The following RSPH14 variants were observed in gnomAD, a reference collection of about 807,000 sequenced individuals.
The protein encoded by RSPH14 is rhabdoid tumor deletion region gene 1.
In RSPH14, 20 loss-of-function variants were observed where a neutral mutation model predicts 26.7. The observed-to-expected ratio is 0.75, with a 90% CI of 0.53 to 1.09. RSPH14 has a LOEUF of 1.09. Among genes scored for constraint, RSPH14 ranks in the 50% least tolerant of loss-of-function variants. The pLI, the probability that RSPH14 is intolerant of heterozygous loss-of-function variation, is 0.00. For missense variants in RSPH14, 449 were observed against 457.2 expected (o/e 0.98, Z 0.16); for synonymous variants, 177 against 189.3 (o/e 0.93, Z 0.53).
chr22:23,117,939 C>G (rs1458883927), intron 4 of RSPH14, among the ~76,000 whole-genome samples: 2 of 152,224 alleles, frequency 1.3e-5, no homozygotes, highest in Non-Finnish European at 2.9e-5. Context: ...GCCCCGGCCG[C>G]TGACCTGGGA....
At chr22:23,162,590 C>A in the RSPH14 span, 8,176 of 454,244 alleles carry the variant, frequency 0.018, 564 homozygotes, top group African/African-American at 0.15. Context: ...GACAGAAATA[C>A]CCCACACATT....
chr22:23,074,364 A>T (rs1462179241), intron 4 of RSPH14, among the ~76,000 whole-genome samples: 1 of 152,174 alleles, frequency 6.6e-6, no homozygotes, highest in African/African-American at 2.4e-5. Flanking sequence ...GTTTTTTTAA[A>T]GCTGCAGCTT....
intron 4 of RSPH14, among the ~76,000 whole-genome samples, chr22:23,097,738 C>T (rs1224390779): frequency 1.3e-5 from 2 of 152,256 alleles, no homozygotes; most frequent in Non-Finnish European, 2.9e-5. Flanking sequence ...GGTCAGGCTC[C>T]CTTGATGAGG....
At chr22:23,065,929 CCTCT>C (rs918084263) in intron 4 of RSPH14, among the ~76,000 whole-genome samples, 5 of 152,214 alleles carry the variant, frequency 3.3e-5, no homozygotes, top group African/African-American at 1.2e-4. Context: ...GAGGCCTGAT[CCTCT>C]CTCTCTCGCA....
chr22:23,112,869 GT>G (rs1180875140), intron 4 of RSPH14, among the ~76,000 whole-genome samples: 1 of 152,208 alleles, frequency 6.6e-6, no homozygotes, highest in Admixed American at 6.5e-5. Context: ...CAGGGGCCTG[GT>G]CTGGGGACCC....
chr22:23,116,288 T>C (rs1392027689), intron 4 of RSPH14, among the ~76,000 whole-genome samples: 1 of 152,118 alleles, frequency 6.6e-6, no homozygotes, highest in African/African-American at 2.4e-5. Context: ...GAGGTGGAGC[T>C]GCGGGTGCAG....
At chr22:23,140,677 G>A (rs1203499290) in intron 1 of RSPH14, among the ~76,000 whole-genome samples, 3 of 152,168 alleles carry the variant, frequency 2.0e-5, no homozygotes, top group Non-Finnish European at 2.9e-5. Context: ...AAACTCCAGA[G>A]CCCTCCCACA....
At chr22:23,175,878 G>C in the RSPH14 span, among the ~76,000 whole-genome samples, 7 of 152,206 alleles carry the variant, frequency 4.6e-5, no homozygotes, top group African/African-American at 1.4e-4. Flanking sequence ...ATCAGCATGA[G>C]GCTCTGCCTT....
At chr22:23,108,659 T>C (rs553656454) in intron 4 of RSPH14, among the ~76,000 whole-genome samples, 99 of 152,210 alleles carry the variant, frequency 6.5e-4, no homozygotes, top group Non-Finnish European at 1.2e-3. Context: ...CTCAGAGCCA[T>C]AGCCCAAAAC....
chr22:23,179,546 G>C, the RSPH14 span, among the ~76,000 whole-genome samples: 4 of 152,344 alleles, frequency 2.6e-5, no homozygotes, highest in African/African-American at 9.6e-5. Flanking sequence ...GGGAAGTTCT[G>C]AGTCAGGTCG....
At chr22:23,077,655 C>G (rs1002162993) in intron 4 of RSPH14, among the ~76,000 whole-genome samples, 1 of 152,126 alleles carries the variant, frequency 6.6e-6, no homozygotes, top group African/African-American at 2.4e-5. Context: ...TGTAAAGTAC[C>G]AGGCTCTGTG....
chr22:23,111,215 A>T (rs1320212772), intron 4 of RSPH14, among the ~76,000 whole-genome samples: 1 of 152,086 alleles, frequency 6.6e-6, no homozygotes, highest in Non-Finnish European at 1.5e-5. Context: ...TCCCAGTCCC[A>T]TTACCTGTCA....
chr22:23,085,126 C>T (rs1207955184), intron 4 of RSPH14, among the ~76,000 whole-genome samples: 1 of 152,164 alleles, frequency 6.6e-6, no homozygotes, highest in Non-Finnish European at 1.5e-5. Context: ...GGCAGCTTCT[C>T]CCCAGGCTAA....
chr22:23,164,555 A>G, the RSPH14 span, among the ~76,000 whole-genome samples: 2 of 152,118 alleles, frequency 1.3e-5, no homozygotes, highest in African/African-American at 4.8e-5. Flanking sequence ...TGATGATTTA[A>G]TGAAGACATT....
intron 4 of RSPH14, among the ~76,000 whole-genome samples, chr22:23,120,008 GC>G (rs1270220325): frequency 1.3e-5 from 2 of 152,194 alleles, no homozygotes; most frequent in Non-Finnish European, 2.9e-5. Flanking sequence ...ACAAGCAGGG[GC>G]CTGAGCTGAG....
chr22:23,130,155 GAAAGAAAA>G (rs1317448943), intron 4 of RSPH14, among the ~76,000 whole-genome samples: 13 of 121,506 alleles, frequency 1.1e-4, no homozygotes, highest in Non-Finnish European at 2.2e-4. Context: ...AAGAAAGAAA[GAAAGAAAA>G]AGAAAAAGAA....
At chr22:23,096,081 G>A (rs2069115419) in intron 4 of RSPH14, 4 of 1,609,004 alleles carry the variant, frequency 2.5e-6, no homozygotes, top group Non-Finnish European at 3.4e-6. Flanking sequence ...GGTGTCATGC[G>A]ACGGCTCTGG....
At chr22:23,064,440 A>G (rs1358294402) in intron 4 of RSPH14, among the ~76,000 whole-genome samples, 2 of 152,158 alleles carry the variant, frequency 1.3e-5, no homozygotes, top group East Asian at 3.9e-4. Flanking sequence ...CTGGAGAGGC[A>G]ATAAGCCACC....
intron 3 of RSPH14, 61 bp downstream of exon 3, chr22:23,138,779 T>C (rs943371557): frequency 1.4e-6 from 2 of 1,399,418 alleles, no homozygotes; most frequent in Non-Finnish European, 2.0e-6. Flanking sequence ...CTCAAGTGCA[T>C]CCACCCAGGG....
Sources: gnomAD v4.1 joint callset for allele counts (sites outside exome capture counted in the v4.1 genomes callset) on GRCh38, gnomAD v4.1.1 for gene constraint, MANE v1.5 for transcripts, NCBI Gene and HGNC (gene_info 2026-07-23, HGNC 2026-07-21) for gene names.